Variants in GPR143 observed in about 807,000 individuals in gnomAD.
GPR143 encodes the protein G protein-coupled receptor 143.
GPR143 carries 8 observed loss-of-function variants against 27.6 expected under a neutral mutation model. That is an observed-to-expected ratio of 0.29 (90% confidence interval 0.17 to 0.52). The LOEUF (loss-of-function observed/expected upper bound fraction) is 0.52. Ranked by LOEUF, GPR143 falls within the 20% of genes least tolerant of loss-of-function variation. GPR143 has a pLI of 0.96. For synonymous variants in GPR143, 156 were observed against 153.2 expected, an observed-to-expected ratio of 1.02 and a Z score of -0.13; for missense variants, 303 against 343.1, an observed-to-expected ratio of 0.88 and a Z score of 0.92.
intron 8 of GPR143, 46 bp downstream of exon 8, chrX:9,739,439 G>T (rs752023852): frequency 1.1e-6 from 1 of 935,467 alleles, no homozygotes. Flanking sequence ...TCCAAGGGGA[G>T]CCCTGGGACC....
At chrX:9,744,090 C>T (rs1210964112) in intron 5 of GPR143, among the ~76,000 whole-genome samples, 1 of 112,045 alleles carries the variant, frequency 8.9e-6, no homozygotes, top group Non-Finnish European at 1.9e-5. Context: ...GTAATCTCAG[C>T]ACTTGGGAGG....
intron 1 of GPR143, among the ~76,000 whole-genome samples, chrX:9,773,298 G>C (rs2083560574): frequency 2.7e-5 from 3 of 111,386 alleles, no homozygotes; most frequent in Non-Finnish European, 5.6e-5. Flanking sequence ...GTGATATTTG[G>C]ACTTTTCAGC....
At chrX:9,749,575 T>C (rs1569120643) in intron 3 of GPR143, among the ~76,000 whole-genome samples, 2 of 112,264 alleles carry the variant, frequency 1.8e-5, no homozygotes, top group Non-Finnish European at 3.8e-5. Flanking sequence ...CTCAGCATAA[T>C]GCTTTCCAGG....
At chrX:9,745,059 C>T (rs999929754) in intron 5 of GPR143, among the ~76,000 whole-genome samples, 1 of 111,965 alleles carries the variant, frequency 8.9e-6, no homozygotes, top group Non-Finnish European at 1.9e-5. Context: ...TAAGACCAGC[C>T]TGGCCAACAT....
At chrX:9,749,238 C>T (rs2083441766) in intron 3 of GPR143, among the ~76,000 whole-genome samples, 1 of 99,086 alleles carries the variant, frequency 1.0e-5, no homozygotes, top group Admixed American at 1.0e-4. Flanking sequence ...CCCCCCCAAC[C>T]CCCTCCGGCC....
chrX:9,755,730 C>A (rs765887950), intron 3 of GPR143, among the ~76,000 whole-genome samples: 1 of 111,823 alleles, frequency 8.9e-6, no homozygotes, highest in South Asian at 3.7e-4. Context: ...GCAGGAAAAT[C>A]AAAGGAACCT....
At chrX:9,774,964 A>T (rs1443530449) in intron 1 of GPR143, among the ~76,000 whole-genome samples, 1 of 111,108 alleles carries the variant, frequency 9.0e-6, no homozygotes, top group Non-Finnish European at 1.9e-5. Context: ...CCCGGGCTCA[A>T]GCGATACTCC....
At chrX:9,771,713 T>C (rs914196148) in intron 1 of GPR143, among the ~76,000 whole-genome samples, 5 of 97,339 alleles carry the variant, frequency 5.1e-5, no homozygotes, top group African/African-American at 7.6e-5. Flanking sequence ...TTCTCTCTCT[T>C]TTTTTTTTTT....
At chrX:9,759,790 G>C (rs1179952301) in intron 2 of GPR143, among the ~76,000 whole-genome samples, 1 of 111,922 alleles carries the variant, frequency 8.9e-6, no homozygotes, top group African/African-American at 3.2e-5. Flanking sequence ...TCCTTCCAAA[G>C]AGAAGATGGA....
rs528827898 is a variant in GPR143 at position 9,772,007 on chromosome X, G to A, written c.-2-11181C>T. Among the ~76,000 whole-genome samples the A allele has an allele frequency of 5.9e-4, 66 of 110,963 alleles. No homozygotes were observed. In the South Asian group the frequency reaches 0.024, roughly 40 times the overall value. ...ATTACAGGCATGAGCCACCGCGCCC[G>A]GCTGGAGCATTCTCAACACAGTGGA... is the stretch of plus-strand genomic sequence containing the variant. On this transcript the variant is annotated intron_variant, in intron 1 of 7. Coordinates refer to the GPR143 transcript ENST00000447366.
intron 1 of GPR143, among the ~76,000 whole-genome samples, chrX:9,761,867 G>T (rs895903133): frequency 1.8e-5 from 2 of 112,344 alleles, no homozygotes; most frequent in Non-Finnish European, 3.8e-5. Flanking sequence ...GGAGGCCAAG[G>T]CCGGCGGATC....
intron 8 of GPR143, among the ~76,000 whole-genome samples, chrX:9,727,322 C>T (rs1370776874): frequency 6.2e-5 from 7 of 113,463 alleles, no homozygotes; most frequent in Non-Finnish European, 1.1e-4. Context: ...ACCCCTGTGT[C>T]CCCTTTCTGC....
chrX:9,734,095 A>AAAG (rs1388970653), intron 8 of GPR143, among the ~76,000 whole-genome samples: 4 of 108,488 alleles, frequency 3.7e-5, no homozygotes, highest in African/African-American at 1.4e-4. Context: ...AAAAAAAAAA[A>AAAG]AAGAAGAAGA....
At chrX:9,728,696 C>T (rs2083340813) in intron 8 of GPR143, among the ~76,000 whole-genome samples, 1 of 98,790 alleles carries the variant, frequency 1.0e-5, no homozygotes, top group Non-Finnish European at 2.0e-5. Flanking sequence ...GCCTGTGGTT[C>T]CAGCTACTTG....
At chrX:9,766,114 G>A (rs2083532337), upstream of GPR143, 1 of 195,377 alleles carries the variant, frequency 5.1e-6, no homozygotes, top group East Asian at 8.8e-5. Flanking sequence ...AGGTTGGGAA[G>A]GTTACCTTTC....
At chrX:9,727,197 C>T (rs1241950760) in intron 8 of GPR143, among the ~76,000 whole-genome samples, 2 of 113,134 alleles carry the variant, frequency 1.8e-5, no homozygotes, top group African/African-American at 3.2e-5. Flanking sequence ...TTTAACCAAT[C>T]GAACATTGCC....
chrX:9,766,770 G>A (rs563873065), upstream of GPR143, among the ~76,000 whole-genome samples: 3 of 109,818 alleles, frequency 2.7e-5, no homozygotes, highest in South Asian at 1.2e-3. Flanking sequence ...GGTGGGGCGT[G>A]CTTGTAGCCC....
chrX:9,737,049 C>T (rs951631818), intron 8 of GPR143, among the ~76,000 whole-genome samples: 13 of 111,807 alleles, frequency 1.2e-4, no homozygotes, highest in Non-Finnish European at 9.4e-5. Context: ...GCCTATAATC[C>T]TAGCACTTTG....
At chrX:9,765,146 C>T (rs1014726585) in intron 1 of GPR143, among the ~76,000 whole-genome samples, 2 of 112,338 alleles carry the variant, frequency 1.8e-5, no homozygotes, top group African/African-American at 6.5e-5. Context: ...CGTGCGCCAT[C>T]ACCCGGGCAC....
Sources: gnomAD v4.1 joint callset for allele counts (sites outside exome capture counted in the v4.1 genomes callset) on GRCh38, gnomAD v4.1.1 for gene constraint, MANE v1.5 for transcripts, NCBI Gene and HGNC (gene_info 2026-07-23, HGNC 2026-07-21) for gene names.